The following INPP4B variants were observed in gnomAD, a reference collection of about 807,000 sequenced individuals.
INPP4B encodes inositol polyphosphate 4-phosphatase type II.
INPP4B carries 55 observed loss-of-function variants against 122.5 expected under a neutral mutation model. The observed-to-expected ratio is 0.45, with a 90% CI of 0.36 to 0.56. INPP4B has a LOEUF of 0.56. Ranked by LOEUF, INPP4B falls within the 20% of genes least tolerant of loss-of-function variation. INPP4B has a pLI of 0.00. For missense variants in INPP4B, 1,000 were observed against 1,097.7 expected, an observed-to-expected ratio of 0.91 and a Z score of 1.26; for synonymous variants, 403 against 388.7, an observed-to-expected ratio of 1.04 and a Z score of -0.43.
chr4:142,631,600 G>C (rs1186643685), intron 2 of INPP4B, among the ~76,000 whole-genome samples: 1 of 151,814 alleles, frequency 6.6e-6, no homozygotes, highest in African/African-American at 2.4e-5. Context: ...TTACAAAACT[G>C]GAAGCATGAC....
intron 9 of INPP4B, among the ~76,000 whole-genome samples, chr4:142,297,867 A>G (rs897481704): frequency 1.1e-4 from 17 of 152,228 alleles, no homozygotes; most frequent in African/African-American, 2.4e-5. Flanking sequence ...TCATGCAAGA[A>G]TAAAGGGAAA....
chr4:142,131,100 G>T (rs1431939810), intron 18 of INPP4B, among the ~76,000 whole-genome samples: 1 of 152,220 alleles, frequency 6.6e-6, no homozygotes, highest in African/African-American at 2.4e-5. Context: ...GACTGGAGGA[G>T]TCACACACCC....
intron 2 of INPP4B, among the ~76,000 whole-genome samples, chr4:142,617,010 G>A (rs759168362): frequency 5.6e-4 from 85 of 151,928 alleles, no homozygotes; most frequent in Non-Finnish European, 1.1e-3. Context: ...TTTGGGTGAT[G>A]GGCACACTAA....
At chr4:142,183,891 A>G (rs1023456573) in intron 15 of INPP4B, among the ~76,000 whole-genome samples, 1 of 151,944 alleles carries the variant, frequency 6.6e-6, no homozygotes, top group Non-Finnish European at 1.5e-5. Context: ...TTACTTTTAA[A>G]CCCTAATCTT....
intron 1 of INPP4B, among the ~76,000 whole-genome samples, chr4:142,789,796 G>T (rs1193016557): frequency 2.6e-5 from 4 of 151,888 alleles, no homozygotes; most frequent in South Asian, 2.1e-4. Context: ...TAAGCAAAAA[G>T]AATAAATCTA....
chr4:142,329,429 C>T (rs1773650151), intron 7 of INPP4B, among the ~76,000 whole-genome samples: 1 of 152,168 alleles, frequency 6.6e-6, no homozygotes, highest in Non-Finnish European at 1.5e-5. Context: ...GCTCTGGGAA[C>T]ATTGGGTTTA....
At chr4:142,603,832 T>A (rs1156402102) in intron 2 of INPP4B, among the ~76,000 whole-genome samples, 2 of 151,780 alleles carry the variant, frequency 1.3e-5, no homozygotes, top group African/African-American at 2.4e-5. Context: ...TCCAAAAAAA[T>A]TGAAAGAGAG....
chr4:142,415,979 A>T (rs1340952204), intron 5 of INPP4B, among the ~76,000 whole-genome samples: 1 of 151,598 alleles, frequency 6.6e-6, no homozygotes, highest in East Asian at 1.9e-4. Flanking sequence ...CAGGAAGGGG[A>T]ACATCACACT....
intron 12 of INPP4B, among the ~76,000 whole-genome samples, chr4:142,214,210 A>T (rs1846087772): frequency 6.6e-6 from 1 of 152,174 alleles, no homozygotes; most frequent in South Asian, 2.1e-4. Context: ...CTATTTTTCA[A>T]ATGAGAAGTG....
At chr4:142,676,699 C>T (rs1757840769) in intron 2 of INPP4B, among the ~76,000 whole-genome samples, 1 of 152,036 alleles carries the variant, frequency 6.6e-6, no homozygotes, top group Admixed American at 6.6e-5. Context: ...CATCTACAAC[C>T]ATCTGATCTT....
At chr4:142,388,538 C>T (rs1022051816) in intron 7 of INPP4B, among the ~76,000 whole-genome samples, 2 of 152,096 alleles carry the variant, frequency 1.3e-5, no homozygotes, top group African/African-American at 4.8e-5. Context: ...TTGGGAAAAA[C>T]CTGTTTTCCT....
At chr4:142,285,514 GTC>G (rs1554026942) in intron 9 of INPP4B, among the ~76,000 whole-genome samples, 8 of 151,902 alleles carry the variant, frequency 5.3e-5, no homozygotes, top group South Asian at 2.1e-4. Context: ...GGTATACCAT[GTC>G]TGAGGCCATG....
chr4:142,506,255 GACA>G (rs901908876), intron 2 of INPP4B, among the ~76,000 whole-genome samples: 10 of 151,982 alleles, frequency 6.6e-5, no homozygotes, highest in African/African-American at 1.7e-4. Flanking sequence ...TAAAATTGAG[GACA>G]ACAAGTGATA....
intron 25 of INPP4B, chr4:142,030,106 A>G (rs1197001291): frequency 6.7e-7 from 1 of 1,495,718 alleles, no homozygotes. Context: ...TGTAGAAAAG[A>G]AAAAGGAATA....
chr4:142,559,410 T>C (rs1017944955), intron 2 of INPP4B, among the ~76,000 whole-genome samples: 1 of 152,082 alleles, frequency 6.6e-6, no homozygotes, highest in East Asian at 1.9e-4. Flanking sequence ...CATTAAAAAA[T>C]GAAACTTGAG....
chr4:142,504,952 G>T (rs766844583), intron 2 of INPP4B, among the ~76,000 whole-genome samples: 6 of 152,066 alleles, frequency 3.9e-5, no homozygotes, highest in Admixed American at 6.6e-5. Flanking sequence ...GGAGGACAGG[G>T]AGAAATCAGG....
intron 1 of INPP4B, among the ~76,000 whole-genome samples, chr4:142,799,484 TCTA>T (rs1255890278): frequency 2.0e-5 from 3 of 151,888 alleles, no homozygotes; most frequent in Admixed American, 6.6e-5. Context: ...TATTTTGCAT[TCTA>T]CTTTCAAAAA....
At chr4:142,375,925 TAGAC>T (rs1296363459) in intron 7 of INPP4B, among the ~76,000 whole-genome samples, 3 of 151,976 alleles carry the variant, frequency 2.0e-5, no homozygotes, top group Admixed American at 6.6e-5. Context: ...AAGCTACTAT[TAGAC>T]AGACGTCTCT....
intron 2 of INPP4B, among the ~76,000 whole-genome samples, chr4:142,572,695 A>G (rs1733083270): frequency 1.3e-5 from 2 of 152,012 alleles, no homozygotes; most frequent in Non-Finnish European, 2.9e-5. Context: ...ATGATGTCTT[A>G]TTAACTCTTT....
Sources: allele counts gnomAD v4.1 joint callset (sites outside exome capture counted in the v4.1 genomes callset), GRCh38; gene constraint gnomAD v4.1.1; transcripts MANE v1.5; gene names NCBI Gene and HGNC (gene_info 2026-07-23, HGNC 2026-07-21).